Variants in GRIK3 observed in about 807,000 individuals in gnomAD.
GRIK3 encodes the protein glutamate receptor ionotropic, kainate 3.
In GRIK3, 29 loss-of-function variants were observed where a neutral mutation model predicts 102.5. The observed-to-expected ratio is 0.28, with a 90% CI of 0.21 to 0.39. The LOEUF (loss-of-function observed/expected upper bound fraction) is 0.39, where lower values mean the gene tolerates loss of function less well. Among genes scored for constraint, GRIK3 ranks in the 10% least tolerant of loss-of-function variants. GRIK3 has a pLI of 1.00. For missense variants in GRIK3, 908 were observed against 1,252.4 expected, an observed-to-expected ratio of 0.73 and a Z score of 4.15; for synonymous variants, 511 against 504.9, an observed-to-expected ratio of 1.01 and a Z score of -0.16.
intron 1 of GRIK3, among the ~76,000 whole-genome samples, chr1:36,977,209 T>C (rs542185656): frequency 3.3e-5 from 5 of 152,230 alleles, no homozygotes; most frequent in Non-Finnish European, 7.3e-5. Flanking sequence ...GGGTTAGTAA[T>C]CCTTACTTCA....
chr1:36,908,338 A>G (rs961413699), intron 1 of GRIK3, among the ~76,000 whole-genome samples: 2 of 152,100 alleles, frequency 1.3e-5, no homozygotes, highest in Admixed American at 1.3e-4. Context: ...GGGACGCTGG[A>G]CCTCATTAAC....
At chr1:36,903,586 G>A (rs1465395338) in intron 1 of GRIK3, among the ~76,000 whole-genome samples, 2 of 152,220 alleles carry the variant, frequency 1.3e-5, no homozygotes, top group Non-Finnish European at 1.5e-5. Flanking sequence ...CAGTAGATGA[G>A]TGGATACACA....
At chr1:36,957,414 G>GTGTGCTCTGAATC (rs1641926021) in intron 1 of GRIK3, among the ~76,000 whole-genome samples, 2 of 105,730 alleles carry the variant, frequency 1.9e-5, no homozygotes, top group African/African-American at 3.8e-5. Context: ...CCGTGAGCCT[G>GTGTGCTCTGAATC]TGTGCCCCAT....
intron 13 of GRIK3, among the ~76,000 whole-genome samples, chr1:36,810,691 C>A (rs1023097394): frequency 2.0e-5 from 3 of 152,216 alleles, no homozygotes; most frequent in Non-Finnish European, 2.9e-5. Flanking sequence ...GGAAAGAAGA[C>A]CTTTTTCCAT....
chr1:36,948,541 A>G (rs945130063), intron 1 of GRIK3, among the ~76,000 whole-genome samples: 1 of 152,222 alleles, frequency 6.6e-6, no homozygotes, highest in African/African-American at 2.4e-5. Context: ...CCCTGCCTCC[A>G]TGCACCTCAC....
chr1:36,887,834 A>G (rs1403318864), intron 2 of GRIK3, among the ~76,000 whole-genome samples: 1 of 150,094 alleles, frequency 6.7e-6, no homozygotes, highest in Admixed American at 6.7e-5. Flanking sequence ...ACAGAGATTC[A>G]CTATATATAT....
intron 1 of GRIK3, among the ~76,000 whole-genome samples, chr1:37,017,918 G>A (rs1308354628): frequency 6.6e-6 from 1 of 152,098 alleles, no homozygotes; most frequent in African/African-American, 2.4e-5. Context: ...CTCTTTTGAC[G>A]TCACAGGGCC....
intron 1 of GRIK3, among the ~76,000 whole-genome samples, chr1:36,904,837 G>A (rs896682753): frequency 5.9e-5 from 9 of 152,132 alleles, no homozygotes; most frequent in Non-Finnish European, 1.0e-4. Flanking sequence ...GATTCATTAC[G>A]CTACTCTCTC....
intron 1 of GRIK3, among the ~76,000 whole-genome samples, chr1:37,006,916 G>A (rs1480394929): frequency 6.6e-6 from 1 of 152,214 alleles, no homozygotes; most frequent in African/African-American, 2.4e-5. Context: ...CAAGCTAGTG[G>A]TGCAACCAGG....
Position 36,859,700 on chromosome 1 carries a change from A to G in GRIK3, c.960+144T>C, listed in dbSNP as rs369053661. ...TGTCTGTTTCACGTTTGTGTCCCCA[A>G]TCCCTAGCCTGGGGTCTGGCTGACA... On this transcript the variant is annotated intron_variant, in intron 6 of 15. Coordinates refer to ENST00000373091, the MANE Select transcript of GRIK3 (RefSeq NM_000831.4). 7.3e-4 allele frequency: 502 copies of G among 689,454 alleles called. 1 individual carries two copies. In the African/African-American group the frequency reaches 8.0e-3, roughly 11 times the overall value. The allele number at this position is 689,454 out of a possible 1,614,324, so 42.7% of individuals were successfully genotyped here.
chr1:36,869,352 G>A (rs1640819060), intron 5 of GRIK3, among the ~76,000 whole-genome samples: 1 of 152,178 alleles, frequency 6.6e-6, no homozygotes, highest in South Asian at 2.1e-4. Context: ...AATCATAATA[G>A]TGAATACTTC....
chr1:37,010,709 G>C (rs958772171), intron 1 of GRIK3, among the ~76,000 whole-genome samples: 8 of 145,346 alleles, frequency 5.5e-5, no homozygotes, highest in African/African-American at 2.0e-4. Context: ...GCAGGTGTCA[G>C]TTTTCTCACC....
chr1:36,962,431 A>G (rs12140265), intron 1 of GRIK3, among the ~76,000 whole-genome samples: 15,581 of 151,828 alleles, frequency 0.1, 924 homozygotes, highest in African/African-American at 0.17. Context: ...GGTTAATCTC[A>G]GCCCCACGCC....
intron 1 of GRIK3, among the ~76,000 whole-genome samples, chr1:36,960,736 C>T (rs987363123): frequency 6.6e-6 from 1 of 152,232 alleles, no homozygotes; most frequent in African/African-American, 2.4e-5. Flanking sequence ...TCCATTCACC[C>T]CCTAGACACA....
At chr1:37,019,358 T>C (rs1051777637) in intron 1 of GRIK3, among the ~76,000 whole-genome samples, 1 of 151,922 alleles carries the variant, frequency 6.6e-6, no homozygotes, top group East Asian at 1.9e-4. Context: ...GAGTGAAGGG[T>C]GAAATGGAGA....
At chr1:36,860,891 T>C (rs1257017955) in intron 5 of GRIK3, among the ~76,000 whole-genome samples, 1 of 152,152 alleles carries the variant, frequency 6.6e-6, no homozygotes, top group Admixed American at 6.5e-5. Context: ...CAATGAAACA[T>C]AGTTTACCAG....
chr1:36,866,791 A>C, intron 5 of GRIK3, among the ~76,000 whole-genome samples: 1 of 151,976 alleles, frequency 6.6e-6, no homozygotes, highest in Non-Finnish European at 1.5e-5. Flanking sequence ...TGCTATGATG[A>C]TGTGTTGACA....
chr1:36,818,596 A>G lies in GRIK3; in HGVS notation c.1873+1140T>C, dbSNP rs11263948. Among the ~76,000 whole-genome samples the G allele has an allele frequency of 2.7e-3, 407 of 152,358 alleles. 19 individuals carry two copies. The East Asian group carries it at 0.07, about 26-fold the overall frequency. On this transcript the variant is annotated intron_variant, in intron 12 of 15. Coordinates refer to ENST00000373091, the MANE Select transcript of GRIK3 (RefSeq NM_000831.4). Reference sequence around the variant, plus strand: ...CCCTGCCCTGGCCTCTGCCATGGCCAAGAGGTTTCTCGCATGTGGGACAGA... The same window carrying G: ...CCCTGCCCTGGCCTCTGCCATGGCCGAGAGGTTTCTCGCATGTGGGACAGA...
intron 1 of GRIK3, among the ~76,000 whole-genome samples, chr1:36,894,001 T>C (rs1641146368): frequency 6.6e-6 from 1 of 152,218 alleles, no homozygotes; most frequent in Admixed American, 6.5e-5. Context: ...ACCTTTATTA[T>C]TTTTGATAAT....
Sources: gnomAD v4.1 joint callset for allele counts (sites outside exome capture counted in the v4.1 genomes callset) on GRCh38, gnomAD v4.1.1 for gene constraint, MANE v1.5 for transcripts, NCBI Gene and HGNC (gene_info 2026-07-23, HGNC 2026-07-21) for gene names.